The following LHFPL2 variants were observed in gnomAD, a reference collection of about 807,000 sequenced individuals.
The protein encoded by LHFPL2 is LHFPL tetraspan subfamily member 2 protein.
Under a neutral mutation model 17.5 loss-of-function variants are expected in LHFPL2, and 7 were observed. That is an observed-to-expected ratio of 0.40 (90% CI 0.23 to 0.75). The LOEUF (loss-of-function observed/expected upper bound fraction) is 0.75. LHFPL2 is among the 30% of genes least tolerant of loss of function. The pLI, the probability that LHFPL2 is intolerant of heterozygous loss-of-function variation, is 0.37. For synonymous variants in LHFPL2, 134 were observed against 116.2 expected (o/e 1.15, Z -0.99); for missense variants, 241 against 294.8 (o/e 0.82, Z 1.34).
At chr5:78,622,140 A>G (rs1744877070) in intron 2 of LHFPL2, among the ~76,000 whole-genome samples, 1 of 152,160 alleles carries the variant, frequency 6.6e-6, no homozygotes, top group African/African-American at 2.4e-5. Flanking sequence ...AGAAGAGCAA[A>G]CATGACACAG....
At chr5:78,529,178 C>A (rs1755707014) in intron 3 of LHFPL2, among the ~76,000 whole-genome samples, 1 of 151,950 alleles carries the variant, frequency 6.6e-6, no homozygotes. Context: ...CCCAGCTACA[C>A]AGGAGGCTGA....
chr5:78,577,518 G>A (rs529435374), intron 2 of LHFPL2, among the ~76,000 whole-genome samples: 26 of 151,990 alleles, frequency 1.7e-4, no homozygotes, highest in Admixed American at 6.6e-5. Flanking sequence ...GCTGAAACTG[G>A]CAACTGGAAC....
chr5:78,646,269 T>C (rs1211175805), intron 1 of LHFPL2, among the ~76,000 whole-genome samples: 1 of 152,224 alleles, frequency 6.6e-6, no homozygotes, highest in Non-Finnish European at 1.5e-5. Context: ...GAGTGTAGGC[T>C]GGCAGGGCAT....
chr5:78,522,346 G>A (rs1027986735), intron 3 of LHFPL2, among the ~76,000 whole-genome samples: 34 of 152,294 alleles, frequency 2.2e-4, no homozygotes, highest in African/African-American at 6.5e-4. Flanking sequence ...GCTGAGGCAT[G>A]AGAATCACTT....
chr5:78,627,879 C>G (rs549525971), intron 2 of LHFPL2, among the ~76,000 whole-genome samples: 2 of 152,334 alleles, frequency 1.3e-5, no homozygotes, highest in African/African-American at 4.8e-5. Context: ...GCAGAGGACC[C>G]ACAAGCCTTC....
At chr5:78,561,281 A>C (rs950764608) in intron 3 of LHFPL2, among the ~76,000 whole-genome samples, 1 of 152,268 alleles carries the variant, frequency 6.6e-6, no homozygotes, top group Non-Finnish European at 1.5e-5. Flanking sequence ...TAAAGTAAGT[A>C]GAAAGAAAAC....
chr5:78,540,831 C>T (rs1048208693), intron 3 of LHFPL2, among the ~76,000 whole-genome samples: 1 of 152,214 alleles, frequency 6.6e-6, no homozygotes, highest in African/African-American at 2.4e-5. Flanking sequence ...TGAATGAAAA[C>T]AGCCCTGCTG....
intron 2 of LHFPL2, among the ~76,000 whole-genome samples, chr5:78,629,110 T>C (rs1745159466): frequency 6.6e-6 from 1 of 152,216 alleles, no homozygotes; most frequent in African/African-American, 2.4e-5. Flanking sequence ...GTCTTTTGCC[T>C]ATTTGGAAAT....
At chr5:78,519,144 C>A (rs1214044339) in intron 3 of LHFPL2, among the ~76,000 whole-genome samples, 4 of 152,040 alleles carry the variant, frequency 2.6e-5, no homozygotes, top group Admixed American at 2.0e-4. Context: ...ACTGAGAACC[C>A]ACACAGCCCT....
chr5:78,593,882 C>A (rs1743732468), intron 2 of LHFPL2, among the ~76,000 whole-genome samples: 1 of 152,184 alleles, frequency 6.6e-6, no homozygotes, highest in South Asian at 2.1e-4. Context: ...CCCAGGGAAC[C>A]CTGCTTGATG....
chr5:78,493,746 C>T (rs1754521315), intron 4 of LHFPL2, among the ~76,000 whole-genome samples: 1 of 152,122 alleles, frequency 6.6e-6, no homozygotes, highest in African/African-American at 2.4e-5. Context: ...GGCCGGTGAG[C>T]CCTGGGTTTT....
In LHFPL2 at chr5:78,635,999, GACAC is replaced by G. The variant is rs5868927; in HGVS notation, c.-349-3635_-349-3632del. Among the ~76,000 whole-genome samples, 656 of 150,854 alleles carry G rather than the reference GACAC, an allele frequency of 4.3e-3. 3 individuals carry two copies. The highest frequency in any genetic ancestry group is 6.7e-3 in the Admixed American group (102 of 15,158). ...TATTAAAGTTCCCATCACACACACAGACACACACACACACACACACGCGCACACA... is the reference window on the plus strand; with the variant it reads ...TATTAAAGTTCCCATCACACACACAGACACACACACACACACGCGCACACA... On this transcript the variant is annotated intron_variant, in intron 1 of 4. Coordinates refer to ENST00000380345, the MANE Select transcript of LHFPL2 (RefSeq NM_005779.3).
At chr5:78,561,848 G>GTTAT in intron 3 of LHFPL2, among the ~76,000 whole-genome samples, 1 of 152,134 alleles carries the variant, frequency 6.6e-6, no homozygotes, top group South Asian at 2.1e-4. Flanking sequence ...GTTAGAGCAG[G>GTTAT]GATTTAATCC....
At chr5:78,637,585 C>G (rs1745500272) in intron 1 of LHFPL2, among the ~76,000 whole-genome samples, 1 of 152,218 alleles carries the variant, frequency 6.6e-6, no homozygotes, top group African/African-American at 2.4e-5. Context: ...AGCAGGTGAC[C>G]AACTTCAAGT....
intron 2 of LHFPL2, among the ~76,000 whole-genome samples, chr5:78,579,909 T>C (rs75146317): frequency 0.4 from 60,981 of 151,722 alleles, 12,435 homozygotes; most frequent in Middle Eastern, 0.47. Flanking sequence ...TTCTAGATCC[T>C]TGAGGAATCG....
Position 78,488,688 on chromosome 5 carries a change from T to C in LHFPL2, c.*209A>G. 1.7e-6 allele frequency: 1 copy of C among 590,000 alleles called. No homozygotes were observed. The highest frequency in any genetic ancestry group is 3.0e-6 in the Non-Finnish European group (1 of 332,324). The allele number at this position is 590,000 out of a possible 1,614,324, so 36.5% of individuals were successfully genotyped here. On this transcript the variant is annotated 3_prime_UTR_variant, in exon 5 of 5. Transcript: ENST00000380345. ...GGTCTAGGATTATATACTATTTTCA[T>C]GTTCCATTCCTTATAATGTGCACTG...
intron 3 of LHFPL2, among the ~76,000 whole-genome samples, chr5:78,540,745 C>T (rs1756086160): frequency 6.6e-6 from 1 of 152,238 alleles, no homozygotes; most frequent in African/African-American, 2.4e-5. Context: ...CCCTGGACAA[C>T]AGCTCCTCCT....
At chr5:78,562,424 T>C (rs1232034978) in intron 3 of LHFPL2, among the ~76,000 whole-genome samples, 1 of 152,058 alleles carries the variant, frequency 6.6e-6, no homozygotes, top group Non-Finnish European at 1.5e-5. Flanking sequence ...TGCGACTGAC[T>C]ACATAACAGA....
chr5:78,508,895 C>A (rs899608525), intron 4 of LHFPL2, among the ~76,000 whole-genome samples: 5 of 152,102 alleles, frequency 3.3e-5, no homozygotes, highest in African/African-American at 1.2e-4. Context: ...GGGATGTATT[C>A]AAACTCAGCC....
Sources: allele counts gnomAD v4.1 joint callset (sites outside exome capture counted in the v4.1 genomes callset), GRCh38; gene constraint gnomAD v4.1.1; transcripts MANE v1.5; gene names NCBI Gene and HGNC (gene_info 2026-07-23, HGNC 2026-07-21).